Variants in COL24A1 observed in about 807,000 individuals in gnomAD.
COL24A1 encodes collagen alpha-1(XXIV) chain.
Under a neutral mutation model 253.9 loss-of-function variants are expected in COL24A1, and 224 were observed. The ratio of observed to expected loss-of-function variants is 0.88; its 90% CI spans 0.79 to 0.99. The LOEUF is 0.99. COL24A1 is among the 50% of genes least tolerant of loss of function. COL24A1 has a pLI of 0.00. For synonymous variants in COL24A1, 685 were observed against 673.7 expected (o/e 1.02, Z -0.26); for missense variants, 2,131 against 2,068.5 (o/e 1.03, Z -0.59).
At position 85,838,511 on chromosome 1, in the gene COL24A1, G is replaced by T; in HGVS notation, c.3681+74C>A. ...GACATTACTAATTATCTCAATAATGGAATGGAAAAAATGGAATAGAAACAC... is the reference window on the plus strand; with the variant it reads ...GACATTACTAATTATCTCAATAATGTAATGGAAAAAATGGAATAGAAACAC... On this transcript the variant is annotated intron_variant, in intron 43 of 59. Transcript: ENST00000370571. 5 of 1,317,802 alleles carry T rather than the reference G, an allele frequency of 3.8e-6. No homozygotes were observed. The South Asian group carries it at 4.8e-5, about 13-fold the overall frequency. The allele number at this position is 1,317,802 out of a possible 1,614,324, so 81.6% of individuals were successfully genotyped here.
chr1:85,841,078 G>T, intron 42 of COL24A1, 144 bp downstream of exon 42: 1 of 593,752 alleles, frequency 1.7e-6, no homozygotes. Context: ...TAAATTTTGT[G>T]ACCATAAATA....
chr1:86,085,910 C>G (rs1471216666), intron 7 of COL24A1, among the ~76,000 whole-genome samples: 1 of 152,142 alleles, frequency 6.6e-6, no homozygotes, highest in Non-Finnish European at 1.5e-5. Flanking sequence ...CTATGAAAGA[C>G]TGAAGAGAAT....
intron 47 of COL24A1, among the ~76,000 whole-genome samples, chr1:85,802,798 T>C (rs1252997723): frequency 6.6e-6 from 1 of 152,244 alleles, no homozygotes; most frequent in Non-Finnish European, 1.5e-5. Context: ...CAGATTATTT[T>C]GAAATCTCTA....
chr1:85,746,986 A>G (rs1665289697), intron 55 of COL24A1, among the ~76,000 whole-genome samples: 1 of 152,090 alleles, frequency 6.6e-6, no homozygotes. Context: ...TTTTAATTAG[A>G]AAACCTAGCA....
chr1:86,114,950 T>G lies in COL24A1; in HGVS notation c.1545+375A>C, dbSNP rs187285438. Among the ~76,000 whole-genome samples, 179 of 152,300 alleles carry G rather than the reference T, an allele frequency of 1.2e-3. 1 individual carries two copies. Among genetic ancestry groups the G allele is most frequent in the African/African-American group, 4.3e-3 (177 of 41,556 alleles). ...TCAATAGCTTCAGAATTTTCCACTA[T>G]GTAATCCAGGAATGTACTATTTTAA... On this transcript the variant is annotated intron_variant, in intron 4 of 59. Transcript: ENST00000370571.
chr1:85,961,816 T>C (rs1345108446), intron 23 of COL24A1, among the ~76,000 whole-genome samples: 6 of 152,122 alleles, frequency 3.9e-5, no homozygotes, highest in Non-Finnish European at 2.9e-5. Flanking sequence ...GCCACACACG[T>C]TTAAACTGTC....
chr1:85,825,312 C>G (rs1674157061), intron 43 of COL24A1, among the ~76,000 whole-genome samples: 1 of 152,040 alleles, frequency 6.6e-6, no homozygotes, highest in African/African-American at 2.4e-5. Flanking sequence ...TTTTCTTAAT[C>G]CAGTCTATCA....
At chr1:85,778,112 G>C (rs1166873626) in intron 52 of COL24A1, among the ~76,000 whole-genome samples, 2 of 151,502 alleles carry the variant, frequency 1.3e-5, no homozygotes, top group African/African-American at 4.9e-5. Flanking sequence ...CAACAGATAG[G>C]TAGATAATTT....
chr1:85,733,469 A>C (rs995716783), intron 59 of COL24A1, among the ~76,000 whole-genome samples: 1 of 152,208 alleles, frequency 6.6e-6, no homozygotes. Flanking sequence ...ATAAAAATTT[A>C]TTCACAAAAA....
chr1:86,065,816 A>G (rs1421248405), intron 7 of COL24A1, among the ~76,000 whole-genome samples: 1 of 152,092 alleles, frequency 6.6e-6, no homozygotes, highest in East Asian at 1.9e-4. Context: ...TTTTTTAAAA[A>G]AATGAAGTTG....
At chr1:85,994,662 G>A (rs2100995182) in intron 19 of COL24A1, among the ~76,000 whole-genome samples, 1 of 152,260 alleles carries the variant, frequency 6.6e-6, no homozygotes, top group East Asian at 1.9e-4. Context: ...CCTTTACTGA[G>A]TGAGAATAAC....
intron 7 of COL24A1, among the ~76,000 whole-genome samples, chr1:86,083,738 T>C (rs1339200562): frequency 6.6e-6 from 1 of 152,096 alleles, no homozygotes; most frequent in Non-Finnish European, 1.5e-5. Context: ...GGTGGTGCTT[T>C]GAGAAGCAAG....
Position 85,773,803 on chromosome 1 carries a change from A to G in COL24A1, c.4374+1871T>C, listed in dbSNP as rs893727279. The stretch of plus-strand genomic sequence containing the variant: ...GATGGGGTTTTCTAAATATATAATC[A>G]TGTCATCTGCTAATGGAGACAATTT... On this transcript the variant is annotated intron_variant, in intron 53 of 59. Transcript: ENST00000370571. 3.9e-5 allele frequency among the ~76,000 whole-genome samples: 6 copies of G among 152,286 alleles called. No homozygotes were observed. In the East Asian group the frequency reaches 1.2e-3, roughly 29 times the overall value.
rs1005818352 is a variant in COL24A1, at chr1:86,151,376, C to T, written c.56+4965G>A. On this transcript the variant is annotated intron_variant, in intron 1 of 59. Transcript: ENST00000370571. ...ATACAAAGTTATAGAGTTATAGTTA[C>T]TCAGACATTTAACAAAATCAGACCA... Among the ~76,000 whole-genome samples the T allele has an allele frequency of 1.2e-4, 18 of 152,144 alleles. 2 individuals carry two copies. Among genetic ancestry groups the T allele is most frequent in the Admixed American group, 5.2e-4 (8 of 15,282 alleles).
At chr1:85,757,603 G>T (rs750317604) in intron 55 of COL24A1, among the ~76,000 whole-genome samples, 6 of 152,056 alleles carry the variant, frequency 3.9e-5, no homozygotes, top group Non-Finnish European at 5.9e-5. Flanking sequence ...AGAAAGAAAA[G>T]AAATTTCATA....
chr1:86,130,426 G>A (rs1261457845), intron 2 of COL24A1, among the ~76,000 whole-genome samples: 1 of 151,776 alleles, frequency 6.6e-6, no homozygotes, highest in African/African-American at 2.4e-5. Flanking sequence ...CTTTCACTAT[G>A]TAGTTTGTTT....
At chr1:85,745,660 A>G (rs143321140) in intron 55 of COL24A1, among the ~76,000 whole-genome samples, 154 bp from the exon 56 acceptor site, 2 of 152,114 alleles carry the variant, frequency 1.3e-5, no homozygotes, top group Non-Finnish European at 2.9e-5. Flanking sequence ...AGATTTTGCA[A>G]ATATTGCCTG....
chr1:85,781,955 A>G (rs1669189004), intron 51 of COL24A1, among the ~76,000 whole-genome samples: 1 of 152,210 alleles, frequency 6.6e-6, no homozygotes. Flanking sequence ...GTTTTTTCCT[A>G]CAAACTTCAG....
At chr1:86,051,371 T>C (rs184791356) in intron 10 of COL24A1, among the ~76,000 whole-genome samples, 1 of 152,132 alleles carries the variant, frequency 6.6e-6, no homozygotes, top group East Asian at 1.9e-4. Context: ...CAATGGGAAC[T>C]TTGGAAGCAG....
Sources: allele counts gnomAD v4.1 joint callset (sites outside exome capture counted in the v4.1 genomes callset), GRCh38; gene constraint gnomAD v4.1.1; transcripts MANE v1.5; gene names NCBI Gene and HGNC (gene_info 2026-07-23, HGNC 2026-07-21).